RILPL2: variants seen among roughly 807,000 people sequenced by gnomAD.
RILPL2 encodes the protein RILP-like protein 2.
In RILPL2, 19 loss-of-function variants were observed where a neutral mutation model predicts 22.2. That is an observed-to-expected ratio of 0.86 (90% CI 0.60 to 1.25). The LOEUF is 1.25. Ranked by LOEUF, RILPL2 falls within the 50% of genes most tolerant of loss-of-function variation. The probability of loss-of-function intolerance (pLI) is 0.00; values close to 1 mark genes in which losing one functional copy is unlikely to be tolerated. For missense variants in RILPL2, 243 were observed against 263.6 expected, an observed-to-expected ratio of 0.92 and a Z score of 0.54; for synonymous variants, 123 against 111.6, an observed-to-expected ratio of 1.10 and a Z score of -0.64.
At chr12:123,410,205 T>C (rs769519638), downstream of RILPL2, among the ~76,000 whole-genome samples, 5 of 152,216 alleles carry the variant, frequency 3.3e-5, no homozygotes, top group Non-Finnish European at 7.3e-5. Flanking sequence ...TCATAAACTT[T>C]AGCTGATGTA....
At chr12:123,418,016 C>CT in intron 3 of RILPL2, among the ~76,000 whole-genome samples, 1 of 152,232 alleles carries the variant, frequency 6.6e-6, no homozygotes, top group East Asian at 1.9e-4. Flanking sequence ...TGACCATGGC[C>CT]TACTGTAGCC....
At chr12:123,423,400 C>T (rs1043589182) in intron 2 of RILPL2, among the ~76,000 whole-genome samples, 5 of 151,564 alleles carry the variant, frequency 3.3e-5, no homozygotes, top group East Asian at 2.0e-4. Flanking sequence ...TGGGCTTCAC[C>T]GTGTTGCCCA....
chr12:123,416,566 G>C (rs1337452427), intron 3 of RILPL2, among the ~76,000 whole-genome samples: 1 of 151,912 alleles, frequency 6.6e-6, no homozygotes, highest in African/African-American at 2.4e-5. Flanking sequence ...CATAAACCCG[G>C]GAGGCGGAGC....
intron 2 of RILPL2, among the ~76,000 whole-genome samples, chr12:123,429,547 G>A (rs1039264749): frequency 3.0e-4 from 45 of 151,926 alleles, no homozygotes; most frequent in African/African-American, 9.2e-4. Flanking sequence ...TGCCCGCCTC[G>A]GCCTCCCAAG....
intron 3 of RILPL2, among the ~76,000 whole-genome samples, chr12:123,417,761 T>C (rs1280079421): frequency 6.6e-6 from 1 of 152,132 alleles, no homozygotes; most frequent in East Asian, 1.9e-4. Context: ...AATTTTGTAT[T>C]TTTAGTAGAG....
intron 2 of RILPL2, among the ~76,000 whole-genome samples, chr12:123,426,511 T>G (rs989005208): frequency 1.3e-5 from 2 of 152,196 alleles, no homozygotes; most frequent in Admixed American, 6.5e-5. Flanking sequence ...CATCTAAAAT[T>G]TCCATTTTTC....
At chr12:123,429,697 C>T (rs865842341) in intron 2 of RILPL2, among the ~76,000 whole-genome samples, 37 of 147,396 alleles carry the variant, frequency 2.5e-4, no homozygotes, top group Non-Finnish European at 3.6e-4. Flanking sequence ...ACTTCTGCCT[C>T]CTAGGTTCAA....
At chr12:123,410,052 T>A (rs1404849934), downstream of RILPL2, among the ~76,000 whole-genome samples, 1 of 152,048 alleles carries the variant, frequency 6.6e-6, no homozygotes, top group Non-Finnish European at 1.5e-5. Flanking sequence ...TTCACCGTGT[T>A]GGCCAGGCTG....
chr12:123,419,975 G>A (rs1261845529), intron 3 of RILPL2, among the ~76,000 whole-genome samples: 6 of 144,692 alleles, frequency 4.1e-5, no homozygotes, highest in East Asian at 2.0e-4. Context: ...ATAGGTACAC[G>A]CCACCACACC....
chr12:123,422,916 C>T (rs1187971747), intron 3 of RILPL2, 128 bp downstream of exon 3: 8 of 668,494 alleles, frequency 1.2e-5, no homozygotes, highest in Admixed American at 2.7e-5. Context: ...TTCCCATGGG[C>T]TGCAGCACCA....
At chr12:123,423,684 C>T (rs1273161980) in intron 2 of RILPL2, among the ~76,000 whole-genome samples, 2 of 144,330 alleles carry the variant, frequency 1.4e-5, no homozygotes, top group African/African-American at 2.6e-5. Flanking sequence ...GACGGATTCT[C>T]GCTCTGTTGC....
At chr12:123,432,149 G>T (rs186121823) in intron 1 of RILPL2, among the ~76,000 whole-genome samples, 16 of 152,010 alleles carry the variant, frequency 1.1e-4, no homozygotes, top group African/African-American at 3.1e-4. Context: ...CGCCCACCTC[G>T]GCCTCCCAAA....
Position 123,415,331 on chromosome 12 carries a change from A to G in RILPL2, c.*560T>C, listed in dbSNP as rs191408862. Reference sequence around the variant, plus strand: ...ACAATGAAATGTAGATATATGACATATACACACATATACCATGTGTACCAT... The same window carrying G: ...ACAATGAAATGTAGATATATGACATGTACACACATATACCATGTGTACCAT... On this transcript the variant is annotated 3_prime_UTR_variant, in exon 4 of 4. Coordinates refer to ENST00000280571, the MANE Select transcript of RILPL2 (RefSeq NM_145058.3). 1 of 154,776 alleles carries G rather than the reference A, an allele frequency of 6.5e-6. No homozygotes were observed. The highest frequency in any genetic ancestry group is 1.9e-4 in the East Asian group (1 of 5,236). 9.6% of individuals were successfully genotyped at this position (154,776 alleles called of 1,614,324 possible).
At chr12:123,413,063 G>T (rs1315552286), downstream of RILPL2, 1 of 152,580 alleles carries the variant, frequency 6.6e-6, no homozygotes, top group Non-Finnish European at 1.5e-5. Context: ...CAGTGTGGTG[G>T]CATATACCTA....
rs1317483821 is a variant in RILPL2, at chr12:123,436,055, G to A, written c.339+27C>T. 4.5e-6 allele frequency: 7 copies of A among 1,550,956 alleles called. No individual in the cohort carries two copies. Among genetic ancestry groups the A allele is most frequent in the Middle Eastern group, 1.7e-4 (1 of 5,866 alleles). On this transcript the variant is annotated intron_variant, in intron 1 of 3. Coordinates refer to ENST00000280571, the MANE Select transcript of RILPL2 (RefSeq NM_145058.3). The surrounding 1 kb of genome is among the most constrained non-coding windows in gnomAD (Gnocchi z 6.7). The stretch of plus-strand genomic sequence containing the variant: ...CTCCTACGCCCCGCAGGCGCCGTGG[G>A]CCCGGAACCCTCGCTCCCACACTCA...
Position 123,436,246 on chromosome 12 carries a change from G to A in RILPL2, c.175C>T (p.Pro59Ser), listed in dbSNP as rs982024706. Residue 59 changes from proline (P) to serine (S), a missense_variant, in exon 1 of 4, where the codon CCC becomes TCC. Pro to Ser is a moderately conservative substitution (Grantham distance 74, BLOSUM62 -1). Transcript: ENST00000280571. This position sits in a 1 kb window ranked among gnomAD's most constrained non-coding sequence, Gnocchi z 6.7. Reference protein sequence around the residue: ...GRELMALGSDPRVTQLQFKVV... With the variant: ...GRELMALGSDSRVTQLQFKVV... ...TTGAACTGCAGCTGCGTCACCCGGG[G>A]GTCGCTGCCCAGGGCCATAAGCTCG... 1.2e-6 allele frequency: 2 copies of A among 1,611,870 alleles called. No individual in the cohort carries two copies. Among genetic ancestry groups the A allele is most frequent in the East Asian group, 2.2e-5 (1 of 44,770 alleles).
chr12:123,417,551 C>A (rs535727169), intron 3 of RILPL2, among the ~76,000 whole-genome samples: 1 of 152,248 alleles, frequency 6.6e-6, no homozygotes, highest in East Asian at 1.9e-4. Context: ...CCATTCTCTT[C>A]CCTGTTCCAG....
At chr12:123,413,108 A>C (rs1414929944), downstream of RILPL2, 1 of 153,102 alleles carries the variant, frequency 6.5e-6, no homozygotes, top group African/African-American at 2.4e-5. Context: ...AGGCAGGAGC[A>C]TCGCTTGAAT....
intron 3 of RILPL2, among the ~76,000 whole-genome samples, chr12:123,418,403 G>A (rs1446081958): frequency 6.6e-6 from 1 of 151,972 alleles, no homozygotes; most frequent in African/African-American, 2.4e-5. Context: ...CTCCCGTTCT[G>A]TCCCCTTATT....
Sources: gnomAD v4.1 joint callset for allele counts (sites outside exome capture counted in the v4.1 genomes callset) on GRCh38, gnomAD v4.1.1 for gene constraint, Gnocchi (gnomAD v3.1) non-coding constraint, MANE v1.5 for transcripts, NCBI Gene and HGNC (gene_info 2026-07-23, HGNC 2026-07-21) for gene names.